Variants in MPP4 observed in about 807,000 individuals in gnomAD.
The protein encoded by MPP4 is MAGUK p55 subfamily member 4.
In MPP4, 91 loss-of-function variants were observed where a neutral mutation model predicts 98.3. The observed-to-expected ratio is 0.93, with a 90% CI of 0.78 to 1.10. The LOEUF (loss-of-function observed/expected upper bound fraction) is 1.10, where lower values mean the gene tolerates loss of function less well. Among genes scored for constraint, MPP4 ranks in the 50% least tolerant of loss-of-function variants. The pLI is 0.00. For synonymous variants in MPP4, 261 were observed against 271.8 expected, an observed-to-expected ratio of 0.96 and a Z score of 0.39; for missense variants, 744 against 792.9, an observed-to-expected ratio of 0.94 and a Z score of 0.74.
At chr2:201,652,098 A>G in intron 18 of MPP4, 2 of 766,040 alleles carry the variant, frequency 2.6e-6, no homozygotes, top group East Asian at 1.3e-4. Flanking sequence ...GCGATCATAA[A>G]GCAACTTCTT....
chr2:201,657,683 C>T lies in MPP4; in HGVS notation c.1129+794G>A, dbSNP rs377241754. ...AGGGGACAGACAGTGTTGATAGCCTCGCACAAAGTGTCAGAGCCCAAGCTA... is the reference window on the plus strand; with the variant it reads ...AGGGGACAGACAGTGTTGATAGCCTTGCACAAAGTGTCAGAGCCCAAGCTA... On this transcript the variant is annotated intron_variant, in intron 16 of 21. Transcript: ENST00000409474. Among the ~76,000 whole-genome samples, 5 of 146,748 alleles carry T rather than the reference C, an allele frequency of 3.4e-5. No homozygotes were observed. In the South Asian group the frequency reaches 6.6e-4, roughly 19 times the overall value.
At chr2:201,660,935 G>C (rs547348692) in intron 14 of MPP4, among the ~76,000 whole-genome samples, 2 of 151,874 alleles carry the variant, frequency 1.3e-5, no homozygotes, top group Admixed American at 6.6e-5. Flanking sequence ...TTTTTGGTTT[G>C]TTTTGAGATG....
rs368888064 is a variant in MPP4 at position 201,667,074 on chromosome 2, G to A, written c.1013-702C>T. On this transcript the variant is annotated intron_variant, in intron 12 of 21. Coordinates refer to ENST00000409474, the MANE Select transcript of MPP4 (RefSeq NM_033066.3). The stretch of plus-strand genomic sequence containing the variant: ...CTAGGATTGAGAAAATGCACGAAAA[G>A]CTCAGGCATATGGTAAGTACTCAAT... Among the ~76,000 whole-genome samples, 137 of 152,280 alleles carry A rather than the reference G, an allele frequency of 9.0e-4. 1 individual carries two copies. The highest frequency in any genetic ancestry group is 3.2e-3 in the African/African-American group (132 of 41,544).
At chr2:201,656,877 A>C (rs1172098887) in intron 16 of MPP4, among the ~76,000 whole-genome samples, 6 of 152,212 alleles carry the variant, frequency 3.9e-5, no homozygotes, top group African/African-American at 1.4e-4. Context: ...GGTGCAGAGA[A>C]ACGAACTGTG....
Position 201,650,165 on chromosome 2 carries a change from T to TCTCC in MPP4, c.1382-1_1382insGGAG (p.His461ArgfsTer7). ...GTAACTCTTTTTAGTACGAGTAGTG[T>TCTCC]CTATCAGAAAAAGGGAATGAAAGGT... On this transcript the variant is annotated frameshift_variant and splice_region_variant. Transcript: ENST00000409474. LOFTEE classifies it high-confidence loss of function. 1 of 1,561,554 alleles carries TCTCC rather than the reference T, an allele frequency of 6.4e-7. No individual in the cohort carries two copies.
rs142770196 is a variant in MPP4 at position 201,679,281 on chromosome 2, G to A, written c.929+1557C>T. Among the ~76,000 whole-genome samples, 223 of 152,140 alleles carry A rather than the reference G, an allele frequency of 1.5e-3. 2 individuals carry two copies. The highest frequency in any genetic ancestry group is 5.3e-3 in the African/African-American group (219 of 41,500). On this transcript the variant is annotated intron_variant, in intron 10 of 21. Coordinates refer to ENST00000409474, the MANE Select transcript of MPP4 (RefSeq NM_033066.3). Reference sequence around the variant, plus strand: ...TTAAATCCAACCCTCTGTCTAATCTGGACCCGCACCCCAGAAGCACTTCAA... The same window carrying A: ...TTAAATCCAACCCTCTGTCTAATCTAGACCCGCACCCCAGAAGCACTTCAA...
intron 4 of MPP4, among the ~76,000 whole-genome samples, chr2:201,689,464 G>C (rs759766989): frequency 1.3e-5 from 2 of 152,166 alleles, no homozygotes; most frequent in Non-Finnish European, 2.9e-5. Context: ...GCCGTGTTGA[G>C]AGTAGACTGT....
At chr2:201,647,918 CA>C in intron 20 of MPP4, 93 bp from the exon 21 acceptor site, 2 of 1,247,046 alleles carry the variant, frequency 1.6e-6, no homozygotes, top group South Asian at 1.5e-5. Context: ...TGCTGTGGTG[CA>C]ATCACAGTTC....
At chr2:201,662,065 C>T (rs1239458490) in intron 14 of MPP4, 4 of 390,622 alleles carry the variant, frequency 1.0e-5, no homozygotes, top group East Asian at 8.4e-5. Flanking sequence ...GTTCACAACT[C>T]ATCTGTCTCA....
chr2:201,685,218 GCAGC>G, intron 6 of MPP4, 73 bp from the exon 7 acceptor site: 24 of 416,408 alleles, frequency 5.8e-5, no homozygotes, highest in Non-Finnish European at 7.5e-5. Flanking sequence ...CTCAATCAAT[GCAGC>G]TCTGGTCTTT....
intron 12 of MPP4, among the ~76,000 whole-genome samples, chr2:201,668,825 G>A (rs1281402572): frequency 6.6e-6 from 1 of 152,066 alleles, no homozygotes; most frequent in Non-Finnish European, 1.5e-5. Context: ...AGTGCAGCCT[G>A]TAACATGACC....
intron 20 of MPP4, 143 bp from the exon 21 acceptor site, chr2:201,647,968 A>C: frequency 1.4e-6 from 1 of 725,890 alleles, no homozygotes; most frequent in Non-Finnish European, 2.2e-6. Context: ...CGATCCACCC[A>C]TCTCAGCCTC....
chr2:201,677,928 G>T lies in MPP4; in HGVS notation c.930-2657C>A, dbSNP rs536712563. Among the ~76,000 whole-genome samples the T allele has an allele frequency of 2.0e-5, 3 of 152,188 alleles. No homozygotes were observed. In the East Asian group the frequency reaches 5.8e-4, roughly 29 times the overall value. ...AGGCCTCTTGCCCAGATATGGCAGC[G>T]GATTTAGTCTCAACACCCTCCTCCA... On this transcript the variant is annotated intron_variant, in intron 10 of 21. Transcript: ENST00000409474.
chr2:201,664,067 C>T lies in MPP4; in HGVS notation c.1072+14G>A. ...CATTTAAAAATCAGTACCAAATACTCATTTTTTACTTACCAGATTCAAATG... is the reference window on the plus strand; with the variant it reads ...CATTTAAAAATCAGTACCAAATACTTATTTTTTACTTACCAGATTCAAATG... On this transcript the variant is annotated intron_variant, in intron 14 of 21. Transcript: ENST00000409474. 1 of 1,501,802 alleles carries T rather than the reference C, an allele frequency of 6.7e-7. No individual in the cohort carries two copies. The highest frequency in any genetic ancestry group is 9.0e-7 in the Non-Finnish European group (1 of 1,107,522). The allele number at this position is 1,501,802 out of a possible 1,614,324, so 93.0% of individuals were successfully genotyped here. A position where few individuals can be genotyped will look rare whatever the true frequency, so the allele number is the denominator to read the frequency against.
rs1357678900 is a variant in MPP4 at position 201,686,005 on chromosome 2, G to A, written c.406C>T (p.Pro136Ser). The stretch of plus-strand genomic sequence containing the variant: ...TTGTCTGGCAGTGGAGGGAGAAGGG[G>A]TTCAAAATCTTTCTGAGCTATCGTG... ...HDTIAQKDFE[P>S]LLPPLPDNIP... is the part of the protein sequence containing the mutation. The change falls in exon 6 of 22, where the codon CCC (proline) becomes TCC (serine). Residue 136 changes from proline (P) to serine (S), a missense_variant. Transcript: ENST00000409474. 1.2e-6 allele frequency: 2 copies of A among 1,612,696 alleles called. No individual in the cohort carries two copies. The highest frequency in any genetic ancestry group is 1.7e-6 in the Non-Finnish European group (2 of 1,178,972).
At position 201,694,084 on chromosome 2, in the gene MPP4, A is replaced by G. The variant is rs189229996; in HGVS notation, c.-100-30T>C. On this transcript the variant is annotated intron_variant, in intron 1 of 21. Coordinates refer to ENST00000409474, the MANE Select transcript of MPP4 (RefSeq NM_033066.3). Reference sequence around the variant, plus strand: ...AATATATTTTCAATAGCATTTCCTCAGCAAGCCAGGCCCTGTGCTACACAC... The same window carrying G: ...AATATATTTTCAATAGCATTTCCTCGGCAAGCCAGGCCCTGTGCTACACAC... 5,401 of 1,581,396 alleles carry G rather than the reference A, an allele frequency of 3.4e-3. 14 individuals carry two copies. Among genetic ancestry groups the G allele is most frequent in the Non-Finnish European group, 4.3e-3 (5,052 of 1,165,178 alleles).
chr2:201,651,617 TC>T (rs1687713852), intron 18 of MPP4: 1 of 985,392 alleles, frequency 1.0e-6, no homozygotes, highest in African/African-American at 1.7e-5. Flanking sequence ...TTAAAATTCT[TC>T]TATATTCTGT....
Position 201,656,325 on chromosome 2 carries a change from G to T in MPP4, c.1173C>A (p.His391Gln). 3.8e-6 allele frequency: 6 copies of T among 1,558,842 alleles called. No homozygotes were observed. Among genetic ancestry groups the T allele is most frequent in the Non-Finnish European group, 5.2e-6 (6 of 1,150,886 alleles). ...ACACACTGGCATGCAGCGGGCTGAG[G>T]TGAGACTTCCTGCGACAAAGGCGCA... The part of the protein sequence containing the change: ...RSMRLCRRKS[H>Q]LSPLHASVCC... The change falls in exon 17 of 22, where the codon CAC becomes CAA. Residue 391 changes from histidine (H) to glutamine (Q), a missense_variant. His to Gln is a conservative substitution (Grantham distance 24). Transcript: ENST00000409474.
At chr2:201,673,579 A>T in intron 11 of MPP4, 1 of 203,536 alleles carries the variant, frequency 4.9e-6, no homozygotes, top group Non-Finnish European at 9.9e-6. Context: ...TTAAAAAAGA[A>T]AAAAAAAGAT....
Sources: allele counts gnomAD v4.1 joint callset (sites outside exome capture counted in the v4.1 genomes callset), GRCh38; gene constraint gnomAD v4.1.1; transcripts MANE v1.5; gene names NCBI Gene and HGNC (gene_info 2026-07-23, HGNC 2026-07-21).